Variants in PPHLN1 observed in about 807,000 individuals in gnomAD.
PPHLN1 encodes the protein periphilin 1, also known as periphilin-1.
A neutral mutation model predicts 51.3 loss-of-function variants in PPHLN1; 29 were observed. The observed-to-expected ratio is 0.57, with a 90% CI of 0.42 to 0.77. The LOEUF is 0.77. Among genes scored for constraint, PPHLN1 ranks in the 30% least tolerant of loss-of-function variants. The pLI is 0.00. For synonymous variants in PPHLN1, 147 were observed against 147.8 expected (o/e 0.99, Z 0.04); for missense variants, 436 against 438.4 (o/e 0.99, Z 0.05).
chr12:42,367,045 T>C (rs2075342052), intron 4 of PPHLN1, among the ~76,000 whole-genome samples: 1 of 152,230 alleles, frequency 6.6e-6, no homozygotes, highest in Non-Finnish European at 1.5e-5. Context: ...TGTTGCAGAA[T>C]GCTTTTAATT....
chr12:42,412,749 A>T (rs1458662477), intron 9 of PPHLN1, among the ~76,000 whole-genome samples: 1 of 152,216 alleles, frequency 6.6e-6, no homozygotes, highest in African/African-American at 2.4e-5. Context: ...CCAGCTGAGT[A>T]AAAGTATTCC....
intron 2 of PPHLN1, among the ~76,000 whole-genome samples, chr12:42,341,782 C>T (rs1225026826): frequency 1.3e-5 from 2 of 152,084 alleles, no homozygotes; most frequent in African/African-American, 2.4e-5. Context: ...CCACCACGCC[C>T]GGCTAATTTT....
Position 42,335,949 on chromosome 12 carries a change from G to A in PPHLN1, c.47G>A (p.Arg16Gln), listed in dbSNP as rs562565168. 1.3e-5 allele frequency: 20 copies of A among 1,587,406 alleles called. No homozygotes were observed. Among genetic ancestry groups the A allele is most frequent in the African/African-American group, 2.7e-5 (2 of 73,804 alleles). Residue 16 changes from arginine (R) to glutamine (Q), a missense_variant, in exon 2 of 10, where the codon CGA becomes CAA. Transcript: ENST00000358314. ...GAATATGAAAGAATTCCGAGAGAAC[G>A]AGCACCTCCTCGAAGTCATCCCAGT... Reference protein sequence around the residue: ...RYEYERIPRERAPPRSHPSDG... With the variant: ...RYEYERIPREQAPPRSHPSDG...
chr12:42,394,164 T>C (rs1199151358), intron 8 of PPHLN1, among the ~76,000 whole-genome samples: 1 of 152,124 alleles, frequency 6.6e-6, no homozygotes, highest in Non-Finnish European at 1.5e-5. Context: ...TGATGAGTCT[T>C]GAATACCGAA....
chr12:42,409,881 T>G (rs942120114), intron 9 of PPHLN1, among the ~76,000 whole-genome samples: 3 of 152,228 alleles, frequency 2.0e-5, no homozygotes, highest in Non-Finnish European at 4.4e-5. Flanking sequence ...TGCCCCAGAG[T>G]TCTGACAGTT....
At chr12:42,423,865 T>G (rs960066629) in intron 9 of PPHLN1, among the ~76,000 whole-genome samples, 4 of 151,990 alleles carry the variant, frequency 2.6e-5, no homozygotes, top group Admixed American at 6.6e-5. Context: ...TTAGTAGAGA[T>G]AGGGTTTTAC....
downstream of PPHLN1, chr12:42,445,020 T>C (rs1007008981): frequency 1.4e-6 from 1 of 701,738 alleles, no homozygotes; most frequent in Middle Eastern, 2.3e-4. Flanking sequence ...TGTTAGTGAC[T>C]CTGCTTACTC....
chr12:42,409,589 G>C (rs532957489), intron 9 of PPHLN1, among the ~76,000 whole-genome samples: 1 of 152,030 alleles, frequency 6.6e-6, no homozygotes, highest in Non-Finnish European at 1.5e-5. Flanking sequence ...TTTCTTTCAT[G>C]GTACCTTTGA....
chr12:42,335,741 C>A, intron 1 of PPHLN1, 142 bp from the exon 2 acceptor site: 24 of 203,380 alleles, frequency 1.2e-4, no homozygotes, highest in Non-Finnish European at 1.6e-4. Context: ...AAGAAACATT[C>A]TTTCTTTTGG....
chr12:42,350,486 C>T (rs550211416), intron 2 of PPHLN1, among the ~76,000 whole-genome samples: 2 of 147,848 alleles, frequency 1.4e-5, no homozygotes, highest in African/African-American at 5.1e-5. Context: ...CCAGAGTGGG[C>T]GACTGGGCAG....
chr12:42,369,379 A>T (rs920434187), intron 4 of PPHLN1, among the ~76,000 whole-genome samples: 3 of 152,146 alleles, frequency 2.0e-5, no homozygotes, highest in Admixed American at 1.3e-4. Flanking sequence ...GACATGCAAG[A>T]TTCCATAGTT....
intron 2 of PPHLN1, among the ~76,000 whole-genome samples, chr12:42,350,533 C>T (rs934998777): frequency 1.3e-5 from 2 of 151,832 alleles, no homozygotes; most frequent in Non-Finnish European, 2.9e-5. Context: ...GGCGGCCAGG[C>T]AGAGACGCTC....
At chr12:42,360,152 C>T (rs977269037) in intron 4 of PPHLN1, among the ~76,000 whole-genome samples, 2 of 148,250 alleles carry the variant, frequency 1.3e-5, no homozygotes, top group Non-Finnish European at 3.0e-5. Context: ...CTGAAAACTC[C>T]TGTAACCCTT....
chr12:42,330,932 A>G (rs2069632214), intron 1 of PPHLN1, among the ~76,000 whole-genome samples: 1 of 152,166 alleles, frequency 6.6e-6, no homozygotes, highest in South Asian at 2.1e-4. Flanking sequence ...GATGGTCTCA[A>G]TCTCCTGACC....
chr12:42,446,478 A>G, downstream of PPHLN1: 1 of 1,384,146 alleles, frequency 7.2e-7, no homozygotes. Flanking sequence ...ATGGAAGGAT[A>G]TGCAAAAAAA....
chr12:42,344,341 C>T (rs1244669219), intron 2 of PPHLN1, among the ~76,000 whole-genome samples: 2 of 152,156 alleles, frequency 1.3e-5, no homozygotes, highest in East Asian at 3.9e-4. Flanking sequence ...AAATATCAAG[C>T]ATATAATAAC....
At chr12:42,422,190 A>G (rs1398283099) in intron 9 of PPHLN1, among the ~76,000 whole-genome samples, 1 of 152,242 alleles carries the variant, frequency 6.6e-6, no homozygotes, top group Non-Finnish European at 1.5e-5. Context: ...TCAGAAAATA[A>G]GTCAAACCAT....
intron 1 of PPHLN1, chr12:42,332,805 T>G (rs2069976980): frequency 1.7e-6 from 1 of 587,506 alleles, no homozygotes; most frequent in Non-Finnish European, 2.8e-6. Context: ...TACTATTTCT[T>G]TAGAACTCTT....
intron 9 of PPHLN1, among the ~76,000 whole-genome samples, chr12:42,407,314 T>C (rs1234400336): frequency 6.6e-6 from 1 of 152,242 alleles, no homozygotes; most frequent in Non-Finnish European, 1.5e-5. Flanking sequence ...CAGACATGAC[T>C]GGAGCTGGTA....
Sources: allele counts gnomAD v4.1 joint callset (sites outside exome capture counted in the v4.1 genomes callset), GRCh38; gene constraint gnomAD v4.1.1; transcripts MANE v1.5; gene names NCBI Gene and HGNC (gene_info 2026-07-23, HGNC 2026-07-21).